Variants in CDC6 observed in about 807,000 individuals in gnomAD.
The protein encoded by CDC6 is cell division cycle 6, also known as DNA replication factor CDC6.
In CDC6, 46 loss-of-function variants were observed where a neutral mutation model predicts 60.2. The observed-to-expected ratio is 0.76, with a 90% CI of 0.60 to 0.98. The LOEUF (loss-of-function observed/expected upper bound fraction) is 0.98. Ranked by LOEUF, CDC6 falls within the 50% of genes least tolerant of loss-of-function variation. The probability of loss-of-function intolerance (pLI) is 0.00; values close to 1 mark genes in which losing one functional copy is unlikely to be tolerated. For missense variants in CDC6, 596 were observed against 652.9 expected (o/e 0.91, Z 0.95); for synonymous variants, 210 against 233.2 (o/e 0.90, Z 0.90).
chr17:40,297,760 C>A (rs976437015), intron 9 of CDC6, among the ~76,000 whole-genome samples: 4 of 152,130 alleles, frequency 2.6e-5, no homozygotes, highest in African/African-American at 9.7e-5. Context: ...CAGAGCGAGA[C>A]CCTGTCCCAA....
intron 2 of CDC6, among the ~76,000 whole-genome samples, chr17:40,290,127 T>C (rs1199370493): frequency 6.6e-6 from 1 of 152,198 alleles, no homozygotes; most frequent in Non-Finnish European, 1.5e-5. Context: ...ACTTAATAAG[T>C]CTGATCTTCA....
chr17:40,299,137 T>A (rs1462640813), intron 9 of CDC6, among the ~76,000 whole-genome samples: 4 of 134,214 alleles, frequency 3.0e-5, no homozygotes, highest in Admixed American at 2.2e-4. Flanking sequence ...AAGGCCATAG[T>A]CTTTTTTTTT....
chr17:40,299,635 C>T (rs866964939), intron 9 of CDC6, among the ~76,000 whole-genome samples: 3 of 151,938 alleles, frequency 2.0e-5, no homozygotes, highest in African/African-American at 7.3e-5. Flanking sequence ...TGGTGGCTTA[C>T]GCCCATAATC....
At position 40,289,591 on chromosome 17, in the gene CDC6, A is replaced by G; in HGVS notation, c.171A>G (p.Lys57=). The change falls in exon 2 of 12, where the codon AAA becomes AAG. Residue 57 remains lysine (K), a synonymous_variant. Transcript: ENST00000209728. ...RVKALPLSPR[K]RLGDDNLCNT... is the part of the protein sequence containing the mutation. ...AAGCCCTGCCTCTCAGCCCCAGGAA[A>G]CGTCTGGGTAAACCATCCATTATAT... is the stretch of plus-strand genomic sequence containing the variant. 1.2e-6 allele frequency: 2 copies of G among 1,613,768 alleles called. No individual in the cohort carries two copies. Among genetic ancestry groups the G allele is most frequent in the South Asian group, 2.2e-5 (2 of 91,076 alleles).
chr17:40,290,966 A>T, intron 2 of CDC6, 92 bp from the exon 3 acceptor site: 1 of 1,327,148 alleles, frequency 7.5e-7, no homozygotes, highest in South Asian at 1.2e-5. Flanking sequence ...TAAGGTAGAA[A>T]TTCACCTCTT....
At chr17:40,289,281 C>A in intron 1 of CDC6, 127 bp from the exon 2 acceptor site, 1 of 828,670 alleles carries the variant, frequency 1.2e-6, no homozygotes, top group Non-Finnish European at 2.0e-6. Flanking sequence ...AAAGTGAATG[C>A]TAAAATAAGT....
At chr17:40,289,150 T>C (rs2032710841) in intron 1 of CDC6, 1 of 415,798 alleles carries the variant, frequency 2.4e-6, no homozygotes, top group Non-Finnish European at 4.5e-6. Context: ...CTAATAATAG[T>C]ACCTACTCCT....
chr17:40,301,788 A>G (rs998631098), intron 11 of CDC6, 124 bp from the exon 12 acceptor site: 51 of 936,128 alleles, frequency 5.4e-5, no homozygotes, highest in Non-Finnish European at 8.1e-5. Flanking sequence ...AAGCCATTGG[A>G]AAAAAAAGTG....
chr17:40,295,953 A>G (rs557215591), intron 8 of CDC6, among the ~76,000 whole-genome samples: 2 of 151,942 alleles, frequency 1.3e-5, no homozygotes, highest in South Asian at 4.2e-4. Flanking sequence ...CGACTGATGA[A>G]ATTTCTTCCT....
chr17:40,294,076 T>C lies in CDC6; in HGVS notation c.943+20T>C. The stretch of plus-strand genomic sequence containing the variant: ...TGATTGGTTAGTGCTCAATTGTTAA[T>C]GTTACATGGTGGTTCTAAAGTATTT... On this transcript the variant is annotated intron_variant, in intron 6 of 11. Coordinates refer to ENST00000209728, the MANE Select transcript of CDC6 (RefSeq NM_001254.4). 4.7e-6 allele frequency: 7 copies of C among 1,494,830 alleles called. No homozygotes were observed. Among genetic ancestry groups the C allele is most frequent in the Non-Finnish European group, 6.5e-6 (7 of 1,071,032 alleles). 92.6% of individuals were successfully genotyped at this position (1,494,830 alleles called of 1,614,324 possible).
chr17:40,291,052 T>A lies in CDC6; in HGVS notation c.179-6T>A, dbSNP rs998682590. The A allele has an allele frequency of 6.2e-7, 1 of 1,614,074 alleles. No homozygotes were observed. Among genetic ancestry groups the A allele is most frequent in the African/African-American group, 1.3e-5 (1 of 75,042 alleles). On this transcript the variant is annotated splice_polypyrimidine_tract_variant and splice_region_variant and intron_variant, in intron 2 of 11. Coordinates refer to ENST00000209728, the MANE Select transcript of CDC6 (RefSeq NM_001254.4). ...GTGACTACATTTTTATTTTATTGTG[T>A]TTCAGGCGATGACAACCTATGCAAC...
chr17:40,290,018 C>T (rs186587049), intron 2 of CDC6, among the ~76,000 whole-genome samples: 2 of 152,102 alleles, frequency 1.3e-5, no homozygotes, highest in African/African-American at 4.8e-5. Flanking sequence ...AGCTACCGCT[C>T]CTGGCCTAAG....
rs2032842341 is a variant in CDC6, at chr17:40,295,400, T to C, written c.1128T>C (p.Cys376=). ...TGGACAATGCTGCAGTTCAATTCTG[T>C]GCCCGCAAAGTCTCTGCTGTTTCAG... ...QVLDNAAVQF[C]ARKVSAVSGD... The change falls in exon 8 of 12, where the codon TGT becomes TGC. Residue 376 remains cysteine, a synonymous_variant. Coordinates refer to ENST00000209728, the MANE Select transcript of CDC6 (RefSeq NM_001254.4). 1.9e-6 allele frequency: 3 copies of C among 1,613,916 alleles called. No homozygotes were observed. Among genetic ancestry groups the C allele is most frequent in the Non-Finnish European group, 2.5e-6 (3 of 1,179,884 alleles).
Position 40,289,614 on chromosome 17 carries a change from T to C in CDC6, c.178+16T>C. 1.2e-6 allele frequency: 2 copies of C among 1,610,214 alleles called. No individual in the cohort carries two copies. Among genetic ancestry groups the C allele is most frequent in the Non-Finnish European group, 1.7e-6 (2 of 1,176,644 alleles). ...AAACGTCTGGGTAAACCATCCATTATATCACTTTTTCACTAGCAGCTCGTG... is the reference window on the plus strand; with the variant it reads ...AAACGTCTGGGTAAACCATCCATTACATCACTTTTTCACTAGCAGCTCGTG... On this transcript the variant is annotated intron_variant, in intron 2 of 11. Coordinates refer to ENST00000209728, the MANE Select transcript of CDC6 (RefSeq NM_001254.4).
At position 40,291,334 on chromosome 17, in the gene CDC6, A is replaced by G; in HGVS notation, c.455A>G (p.Gln152Arg). The G allele has an allele frequency of 6.2e-7, 1 of 1,614,230 alleles. No individual in the cohort carries two copies. The highest frequency in any genetic ancestry group is 1.1e-5 in the South Asian group (1 of 91,058). Residue 152 changes from glutamine to arginine, a missense_variant, in exon 3 of 12, where the codon CAA becomes CGA. Transcript: ENST00000209728. ...KESACVRLFK[Q>R]EGTCYQQAKL... is the part of the protein sequence containing the mutation. ...TCTGCATGTGTGAGACTATTCAAGCAAGAAGGTTTGTTCTTACATGGCAAC... is the reference window on the plus strand; with the variant it reads ...TCTGCATGTGTGAGACTATTCAAGCGAGAAGGTTTGTTCTTACATGGCAAC...
intron 10 of CDC6, 43 bp downstream of exon 10, chr17:40,301,073 AT>A: frequency 7.2e-7 from 1 of 1,382,018 alleles, no homozygotes; most frequent in Non-Finnish European, 1.0e-6. Flanking sequence ...AGAGATCAGA[AT>A]CTGCTTTGCA....
Position 40,294,476 on chromosome 17 carries a change from C to A in CDC6, c.1056C>A (p.Val352=). 1 of 1,614,026 alleles carries A rather than the reference C, an allele frequency of 6.2e-7. No homozygotes were observed. Among genetic ancestry groups the A allele is most frequent in the Non-Finnish European group, 8.5e-7 (1 of 1,179,976 alleles). ...CACCTTATACCAGAAATCAGATAGT[C>A]ACTATTTTGCAAGATCGACTTAATC... The part of the protein sequence containing the change: ...NFPPYTRNQI[V]TILQDRLNQV... The change falls in exon 7 of 12, where the codon GTC becomes GTA. Residue 352 remains valine, a synonymous_variant. Coordinates refer to ENST00000209728, the MANE Select transcript of CDC6 (RefSeq NM_001254.4).
chr17:40,294,392 T>C lies in CDC6; in HGVS notation c.972T>C (p.Asp324=). The change falls in exon 7 of 12, where the codon GAT becomes GAC. Residue 324 remains aspartate, a synonymous_variant. Coordinates refer to ENST00000209728, the MANE Select transcript of CDC6 (RefSeq NM_001254.4). ...IGIANTLDLT[D]RILPRLQARE... ...TTGCTAATACCCTGGATCTCACAGA[T>C]AGAATTCTACCTAGGCTTCAAGCTA... The C allele has an allele frequency of 3.7e-6, 6 of 1,609,846 alleles. No homozygotes were observed. The highest frequency in any genetic ancestry group is 4.3e-6 in the Non-Finnish European group (5 of 1,176,182).
intron 9 of CDC6, 145 bp from the exon 10 acceptor site, chr17:40,300,683 G>C: frequency 1.3e-6 from 1 of 752,854 alleles, no homozygotes; most frequent in Non-Finnish European, 2.4e-6. Context: ...TTGGCCTCTG[G>C]TTAGAGATTT....
Sources: gnomAD v4.1 joint callset for allele counts (sites outside exome capture counted in the v4.1 genomes callset) on GRCh38, gnomAD v4.1.1 for gene constraint, MANE v1.5 for transcripts, NCBI Gene and HGNC (gene_info 2026-07-23, HGNC 2026-07-21) for gene names.